The following OSBPL1A variants were observed in gnomAD, a reference collection of about 807,000 sequenced individuals.
OSBPL1A encodes oxysterol binding protein like 1A, also known as oxysterol-binding protein-related protein 1.
OSBPL1A carries 80 observed loss-of-function variants against 137.1 expected under a neutral mutation model. That is an observed-to-expected ratio of 0.58 (90% confidence interval 0.49 to 0.70). The LOEUF is 0.70. Ranked by LOEUF, OSBPL1A falls within the 30% of genes least tolerant of loss-of-function variation. The probability of loss-of-function intolerance (pLI) is 0.00; values close to 1 mark genes in which losing one functional copy is unlikely to be tolerated. For missense variants in OSBPL1A, 970 were observed against 1,129.4 expected (o/e 0.86, Z 2.02); for synonymous variants, 365 against 389.7 (o/e 0.94, Z 0.75).
chr18:24,364,615 A>AT (rs560525521), intron 4 of OSBPL1A, among the ~76,000 whole-genome samples: 3,487 of 148,000 alleles, frequency 0.024, 114 homozygotes, highest in African/African-American at 0.073. Flanking sequence ...TTTTTTTTTA[A>AT]TTTTTTTTTT....
intron 15 of OSBPL1A, among the ~76,000 whole-genome samples, chr18:24,247,036 T>C (rs2088918185): frequency 6.6e-6 from 1 of 152,124 alleles, no homozygotes; most frequent in East Asian, 1.9e-4. Flanking sequence ...ATTAAGTTTT[T>C]AAAATTAAAT....
At chr18:24,327,110 T>TC (rs2090995705) in intron 7 of OSBPL1A, among the ~76,000 whole-genome samples, 1 of 126,394 alleles carries the variant, frequency 7.9e-6, no homozygotes, top group Admixed American at 7.8e-5. Context: ...TTTTCTTTTT[T>TC]CTTTTTTTTT....
intron 1 of OSBPL1A, among the ~76,000 whole-genome samples, chr18:24,393,375 A>T (rs1907496753): frequency 6.6e-6 from 1 of 152,276 alleles, no homozygotes. Flanking sequence ...GTTACTTGCC[A>T]AGTATTAACA....
At chr18:24,310,873 TTAATG>T in intron 13 of OSBPL1A, among the ~76,000 whole-genome samples, 1 of 152,210 alleles carries the variant, frequency 6.6e-6, no homozygotes, top group Non-Finnish European at 1.5e-5. Flanking sequence ...TTTTACTTGT[TTAATG>T]TAATTTTGGC....
chr18:24,171,596 T>G (rs2086289184), intron 22 of OSBPL1A, 98 bp from the exon 23 acceptor site: 3 of 923,408 alleles, frequency 3.2e-6, no homozygotes, highest in Admixed American at 4.2e-5. Flanking sequence ...CTACTGTTTA[T>G]GGATTTTCTC....
chr18:24,385,587 C>T (rs1010635845), intron 1 of OSBPL1A, among the ~76,000 whole-genome samples: 11 of 152,020 alleles, frequency 7.2e-5, no homozygotes, highest in African/African-American at 2.7e-4. Context: ...GTGGCAGCAG[C>T]TGAAACCAAG....
At chr18:24,305,593 T>G (rs1052148721) in intron 13 of OSBPL1A, among the ~76,000 whole-genome samples, 2 of 152,248 alleles carry the variant, frequency 1.3e-5, no homozygotes, top group Non-Finnish European at 2.9e-5. Context: ...AGTTAATTCT[T>G]ATTAATATTT....
At chr18:24,265,456 G>A (rs1466992304) in intron 15 of OSBPL1A, among the ~76,000 whole-genome samples, 1 of 152,010 alleles carries the variant, frequency 6.6e-6, no homozygotes, top group Non-Finnish European at 1.5e-5. Flanking sequence ...CTCCAGCCTG[G>A]GCGACAGAGT....
chr18:24,220,948 T>C (rs560933945), intron 17 of OSBPL1A, among the ~76,000 whole-genome samples: 27 of 152,172 alleles, frequency 1.8e-4, no homozygotes, highest in African/African-American at 6.5e-4. Flanking sequence ...GCTCAGCTAA[T>C]TTTTGTGTTT....
At chr18:24,335,508 A>T (rs1165348030) in intron 5 of OSBPL1A, among the ~76,000 whole-genome samples, 1 of 152,230 alleles carries the variant, frequency 6.6e-6, no homozygotes, top group Non-Finnish European at 1.5e-5. Flanking sequence ...AGAATGGAAT[A>T]TGTCGGTAAG....
intron 15 of OSBPL1A, among the ~76,000 whole-genome samples, chr18:24,267,129 T>C (rs1319712666): frequency 6.7e-6 from 1 of 149,076 alleles, no homozygotes; most frequent in South Asian, 2.1e-4. Flanking sequence ...AGGAAAGATA[T>C]ATAATTACAG....
chr18:24,291,519 C>T (rs535150855), intron 14 of OSBPL1A, among the ~76,000 whole-genome samples: 155 of 152,110 alleles, frequency 1.0e-3, no homozygotes, highest in African/African-American at 3.5e-3. Context: ...AACGAGAAGG[C>T]TCAACATATG....
intron 1 of OSBPL1A, among the ~76,000 whole-genome samples, chr18:24,390,690 G>A (rs1355865806): frequency 1.5e-5 from 1 of 66,092 alleles, no homozygotes; most frequent in Non-Finnish European, 2.3e-5. Flanking sequence ...GTGCGACTCC[G>A]TCTCAAAAAA....
At chr18:24,309,906 G>T (rs2090580819) in intron 13 of OSBPL1A, among the ~76,000 whole-genome samples, 1 of 151,962 alleles carries the variant, frequency 6.6e-6, no homozygotes, top group African/African-American at 2.4e-5. Flanking sequence ...AATTAGCTGG[G>T]CATGGTGTTG....
chr18:24,345,904 T>G (rs772675206), intron 4 of OSBPL1A, among the ~76,000 whole-genome samples: 4 of 152,186 alleles, frequency 2.6e-5, no homozygotes, highest in Non-Finnish European at 5.9e-5. Flanking sequence ...TCTTGTTCAT[T>G]GCTATACTCC....
chr18:24,181,087 G>C (rs979569793), intron 19 of OSBPL1A, 58 bp downstream of exon 19: 39 of 1,568,348 alleles, frequency 2.5e-5, no homozygotes, highest in Non-Finnish European at 3.4e-5. Context: ...TGTGTGTTCG[G>C]GGCTGGGTTG....
rs575371089 is a variant in OSBPL1A, at chr18:24,173,400, A to G, written c.2094-917T>C. 1.5e-3 allele frequency among the ~76,000 whole-genome samples: 226 copies of G among 152,292 alleles called. 1 individual carries two copies. The highest frequency in any genetic ancestry group is 5.4e-3 in the African/African-American group (225 of 41,578). ...CCCAAACCTAAAATAAAAGTTAAAA[A>G]AAAAGTTTTATTTTACTTTTTATTT... is the stretch of plus-strand genomic sequence containing the variant. On this transcript the variant is annotated intron_variant, in intron 21 of 27. Coordinates refer to ENST00000319481, the MANE Select transcript of OSBPL1A (RefSeq NM_080597.4).
At chr18:24,352,226 C>T (rs1467236455) in intron 4 of OSBPL1A, among the ~76,000 whole-genome samples, 4 of 151,968 alleles carry the variant, frequency 2.6e-5, no homozygotes, top group Middle Eastern at 3.2e-3. Flanking sequence ...CGCTTGAGCC[C>T]GGGAGATTGA....
At chr18:24,180,803 G>A (rs1401658210) in intron 19 of OSBPL1A, among the ~76,000 whole-genome samples, 1 of 152,144 alleles carries the variant, frequency 6.6e-6, no homozygotes, top group Non-Finnish European at 1.5e-5. Flanking sequence ...CGGGAACCTG[G>A]GAGGCGGAGC....
Sources: gnomAD v4.1 joint callset for allele counts (sites outside exome capture counted in the v4.1 genomes callset) on GRCh38, gnomAD v4.1.1 for gene constraint, MANE v1.5 for transcripts, NCBI Gene and HGNC (gene_info 2026-07-23, HGNC 2026-07-21) for gene names.